The following TSPEAR variants were observed in gnomAD, a reference collection of about 807,000 sequenced individuals.
The protein encoded by TSPEAR is thrombospondin-type laminin G domain and EAR repeat-containing protein.
TSPEAR carries 69 observed loss-of-function variants against 71.6 expected under a neutral mutation model. The observed-to-expected ratio is 0.96, with a 90% CI of 0.79 to 1.18. TSPEAR has a LOEUF of 1.18. TSPEAR is among the 50% of genes most tolerant of loss of function. TSPEAR has a pLI of 0.00. For missense variants in TSPEAR, 971 were observed against 894.9 expected (o/e 1.09, Z -1.09); for synonymous variants, 402 against 387.2 (o/e 1.04, Z -0.45).
chr21:44,704,480 G>A lies in TSPEAR; in HGVS notation c.82+6953C>T, dbSNP rs555353956. 6.6e-5 allele frequency among the ~76,000 whole-genome samples: 10 copies of A among 152,340 alleles called. No individual in the cohort carries two copies. The South Asian group carries it at 1.0e-3, about 16-fold the overall frequency. ...CCAGAGCTGTTGGCCTCCAGCTGGC[G>A]GGTAAAACCCACGGCCTTCTCAGAA... is the stretch of plus-strand genomic sequence containing the variant. On this transcript the variant is annotated intron_variant, in intron 1 of 11. Transcript: ENST00000323084.
At chr21:44,608,011 A>G (rs1981421279) in intron 1 of TSPEAR, among the ~76,000 whole-genome samples, 2 of 152,150 alleles carry the variant, frequency 1.3e-5, no homozygotes, top group African/African-American at 4.8e-5. Context: ...AGACAAACCT[A>G]TTTGAGACAC....
chr21:44,688,547 T>C (rs112852377), intron 1 of TSPEAR, among the ~76,000 whole-genome samples: 1,745 of 152,060 alleles, frequency 0.011, 43 homozygotes, highest in African/African-American at 0.04. Context: ...GGTGAAACCC[T>C]GTCTCTACTA....
chr21:44,542,688 G>A (rs2053239850), intron 2 of TSPEAR, among the ~76,000 whole-genome samples: 1 of 146,586 alleles, frequency 6.8e-6, no homozygotes, highest in Non-Finnish European at 1.5e-5. Flanking sequence ...AGAGGCTGCA[G>A]TGAGCCAAGA....
chr21:44,627,678 G>A (rs781827586), intron 1 of TSPEAR: 1 of 1,613,676 alleles, frequency 6.2e-7, no homozygotes, highest in South Asian at 1.1e-5. Context: ...CTAGCTGCCA[G>A]CCAGCTTGCT....
intron 1 of TSPEAR, chr21:44,698,003 A>G: frequency 1.9e-6 from 3 of 1,555,926 alleles, no homozygotes; most frequent in Non-Finnish European, 2.6e-6. Context: ...ACTGGGCACT[A>G]TGAGTCCCCC....
chr21:44,679,559 T>C (rs1555947589), intron 1 of TSPEAR, among the ~76,000 whole-genome samples: 1 of 152,148 alleles, frequency 6.6e-6, no homozygotes. Flanking sequence ...CTAAAATTCA[T>C]ATGGAACCAA....
rs368472989 is a variant in TSPEAR, at chr21:44,625,095, C to T, written c.83-57090G>A. The stretch of plus-strand genomic sequence containing the variant: ...GTTTTCAGAGGTCAAAATTACTCTT[C>T]GATAATTTCTCCAAAAACATTTATT... On this transcript the variant is annotated intron_variant, in intron 1 of 11. Coordinates refer to ENST00000323084, the MANE Select transcript of TSPEAR (RefSeq NM_144991.3). 1.4e-4 allele frequency among the ~76,000 whole-genome samples: 22 copies of T among 152,284 alleles called. 1 individual carries two copies. Among genetic ancestry groups the T allele is most frequent in the South Asian group, 1.0e-3 (5 of 4,826 alleles).
At position 44,695,530 on chromosome 21, in the gene TSPEAR, C is replaced by G. The variant is rs1164792866; in HGVS notation, c.82+15903G>C. ...TTGCAATGACCTCCGATCCCAAGAC[C>G]CTTTTCCCAAGTCCAATTTTTCCTC... On this transcript the variant is annotated intron_variant, in intron 1 of 11. Coordinates refer to ENST00000323084, the MANE Select transcript of TSPEAR (RefSeq NM_144991.3). This position sits in a 1 kb window ranked among gnomAD's most constrained non-coding sequence, Gnocchi z 4.5. Among the ~76,000 whole-genome samples, 3 of 152,144 alleles carry G rather than the reference C, an allele frequency of 2.0e-5. No individual in the cohort carries two copies. Among genetic ancestry groups the G allele is most frequent in the Non-Finnish European group, 4.4e-5 (3 of 68,012 alleles).
At position 44,532,595 on chromosome 21, in the gene TSPEAR, C is replaced by T. The variant is rs587627510; in HGVS notation, c.542+1090G>A. On this transcript the variant is annotated intron_variant, in intron 3 of 11. Transcript: ENST00000323084. ...TTATGCGATAAGTTTCATAACAAAA[C>T]AGAAGATCCTACCTTTGAAAGTAAT... Among the ~76,000 whole-genome samples, 269 of 152,298 alleles carry T rather than the reference C, an allele frequency of 1.8e-3. 1 individual carries two copies. Among genetic ancestry groups the T allele is most frequent in the African/African-American group, 6.2e-3 (257 of 41,562 alleles).
At chr21:44,640,064 G>T (rs1162583848) in intron 1 of TSPEAR, among the ~76,000 whole-genome samples, 2 of 152,186 alleles carry the variant, frequency 1.3e-5, no homozygotes, top group African/African-American at 4.8e-5. Flanking sequence ...TGAAACAAAC[G>T]TCCACACACA....
chr21:44,531,248 CCACA>C (rs2052965196), intron 3 of TSPEAR, 115 bp from the exon 4 acceptor site: 3 of 781,332 alleles, frequency 3.8e-6, no homozygotes, highest in African/African-American at 1.7e-5. Context: ...GCTGTGGCTG[CCACA>C]CAAAGGATGG....
intron 1 of TSPEAR, among the ~76,000 whole-genome samples, chr21:44,669,335 A>C (rs902548479): frequency 4.4e-4 from 67 of 152,320 alleles, no homozygotes; most frequent in African/African-American, 1.6e-3. Flanking sequence ...AGGCAGGAGA[A>C]TCACTTGAAC....
chr21:44,591,712 G>T, intron 1 of TSPEAR: 1 of 1,595,772 alleles, frequency 6.3e-7, no homozygotes, highest in Non-Finnish European at 8.6e-7. Context: ...GCAGCAAGCT[G>T]GCTGGCAGCT....
chr21:44,535,541 T>A (rs1476303860), intron 2 of TSPEAR, among the ~76,000 whole-genome samples: 5 of 152,166 alleles, frequency 3.3e-5, no homozygotes, highest in African/African-American at 1.2e-4. Context: ...AACACTGACG[T>A]TTTACTGTAT....
At chr21:44,622,320 T>C (rs1388824686) in intron 1 of TSPEAR, among the ~76,000 whole-genome samples, 3 of 152,004 alleles carry the variant, frequency 2.0e-5, no homozygotes, top group African/African-American at 7.2e-5. Context: ...CCCTTTTATC[T>C]CCTTGCTTTA....
At chr21:44,625,484 A>G (rs1288552377) in intron 1 of TSPEAR, among the ~76,000 whole-genome samples, 2 of 152,238 alleles carry the variant, frequency 1.3e-5, no homozygotes, top group African/African-American at 2.4e-5. Flanking sequence ...TGAATTATCT[A>G]TGATTGAAGC....
intron 2 of TSPEAR, chr21:44,558,179 G>A (rs781828587): frequency 1.9e-6 from 3 of 1,548,314 alleles, no homozygotes; most frequent in Non-Finnish European, 2.6e-6. Context: ...TGGAGGCAGG[G>A]GCACAGCAGG....
intron 1 of TSPEAR, among the ~76,000 whole-genome samples, chr21:44,689,739 A>ATATTTTTTTTTTTTT (rs1555949531): frequency 7.8e-6 from 1 of 128,176 alleles, no homozygotes; most frequent in African/African-American, 3.2e-5. Context: ...ATATATATAT[A>ATATTTTTTTTTTTTT]TTTTGGGGGG....
At chr21:44,663,635 C>T (rs1394011433) in intron 1 of TSPEAR, among the ~76,000 whole-genome samples, 1 of 151,824 alleles carries the variant, frequency 6.6e-6, no homozygotes. Context: ...CAAATTTGAA[C>T]AAAAGTATTA....
Sources: gnomAD v4.1 joint callset for allele counts (sites outside exome capture counted in the v4.1 genomes callset) on GRCh38, gnomAD v4.1.1 for gene constraint, Gnocchi (gnomAD v3.1) non-coding constraint, MANE v1.5 for transcripts, NCBI Gene and HGNC (gene_info 2026-07-23, HGNC 2026-07-21) for gene names.